SFMBT2: variants seen among roughly 807,000 people sequenced by gnomAD.
SFMBT2 encodes the protein Scm like with four mbt domains 2.
SFMBT2 carries 38 observed loss-of-function variants against 110.1 expected under a neutral mutation model. That is an observed-to-expected ratio of 0.35 (90% CI 0.27 to 0.45). The LOEUF (loss-of-function observed/expected upper bound fraction) is 0.45, where lower values mean the gene tolerates loss of function less well. Among genes scored for constraint, SFMBT2 ranks in the 20% least tolerant of loss-of-function variants. The pLI, the probability that SFMBT2 is intolerant of heterozygous loss-of-function variation, is 1.00. For synonymous variants in SFMBT2, 425 were observed against 425.4 expected, an observed-to-expected ratio of 1.00 and a Z score of 0.01; for missense variants, 1,011 against 1,094.9, an observed-to-expected ratio of 0.92 and a Z score of 1.08.
In SFMBT2 at chr10:7,197,629, T is replaced by C; in HGVS notation, c.1617A>G (p.Ser539=). 1 of 1,614,214 alleles carries C rather than the reference T, an allele frequency of 6.2e-7. No individual in the cohort carries two copies. ...TCCTTCCTTTGTTCAGGTAAGGGCCTGAGAAACACCTGTGGTTGATGAAGA... is the reference window on the plus strand; with the variant it reads ...TCCTTCCTTTGTTCAGGTAAGGGCCCGAGAAACACCTGTGGTTGATGAAGA... ...PQLFINHRCF[S]GPYLNKGRIA... The change falls in exon 15 of 21, where the codon TCA becomes TCG. Residue 539 remains serine, a synonymous_variant. Coordinates refer to ENST00000397167, the MANE Select transcript of SFMBT2 (RefSeq NM_001387889.1).
chr10:7,225,883 G>A (rs543539741), intron 10 of SFMBT2, among the ~76,000 whole-genome samples: 5 of 152,054 alleles, frequency 3.3e-5, no homozygotes, highest in African/African-American at 9.7e-5. Context: ...ATGTTTCCAC[G>A]GCCCTCAATG....
chr10:7,171,390 C>G lies in SFMBT2; in HGVS notation c.2416-334G>C, dbSNP rs1837867891. ...AGAGGAGAAATACAAGGGGCACGTCCAAGCAGACACGAGACAGTGTCCCCC... is the reference window on the plus strand; with the variant it reads ...AGAGGAGAAATACAAGGGGCACGTCGAAGCAGACACGAGACAGTGTCCCCC... On this transcript the variant is annotated intron_variant, in intron 19 of 20. Coordinates refer to ENST00000397167, the MANE Select transcript of SFMBT2 (RefSeq NM_001387889.1). The surrounding 1 kb of genome is among the most constrained non-coding windows in gnomAD (Gnocchi z 4.9). 1 of 985,316 alleles carries G rather than the reference C, an allele frequency of 1.0e-6. No homozygotes were observed. The highest frequency in any genetic ancestry group is 6.1e-5 in the Admixed American group (1 of 16,266). 61.0% of individuals were successfully genotyped at this position (985,316 alleles called of 1,614,324 possible).
At chr10:7,230,010 C>T (rs1314835232) in intron 9 of SFMBT2, among the ~76,000 whole-genome samples, 3 of 112,318 alleles carry the variant, frequency 2.7e-5, no homozygotes, top group African/African-American at 1.1e-4. Context: ...AGCCACCCCG[C>T]CCAGCCCTAT....
chr10:7,316,190 A>T (rs1843006439), intron 4 of SFMBT2, among the ~76,000 whole-genome samples: 1 of 152,254 alleles, frequency 6.6e-6, no homozygotes. Flanking sequence ...GATTTTTATC[A>T]GAATGGCAAG....
intron 13 of SFMBT2, among the ~76,000 whole-genome samples, chr10:7,201,979 T>C (rs1243215969): frequency 1.3e-5 from 2 of 152,212 alleles, no homozygotes; most frequent in Non-Finnish European, 2.9e-5. Context: ...AATTGTATTT[T>C]ACAAGCCAGG....
At chr10:7,370,918 G>A (rs1034097395) in intron 2 of SFMBT2, 4 of 357,328 alleles carry the variant, frequency 1.1e-5, no homozygotes, top group African/African-American at 4.4e-5. Flanking sequence ...AACACAAACC[G>A]ACCAGCTGCC....
chr10:7,285,784 A>G (rs748000485), intron 5 of SFMBT2, 82 bp downstream of exon 5: 1 of 780,272 alleles, frequency 1.3e-6, no homozygotes, highest in Non-Finnish European at 2.4e-6. Flanking sequence ...GCTGAAGGAT[A>G]TATGCAAAGG....
chr10:7,349,779 T>A (rs1314556571), intron 4 of SFMBT2, among the ~76,000 whole-genome samples: 1 of 152,038 alleles, frequency 6.6e-6, no homozygotes, highest in Non-Finnish European at 1.5e-5. Context: ...GACTCTTTTA[T>A]CCACCTCTTG....
intron 4 of SFMBT2, among the ~76,000 whole-genome samples, chr10:7,347,605 T>C (rs369775363): frequency 6.6e-5 from 10 of 152,210 alleles, no homozygotes; most frequent in East Asian, 5.8e-4. Flanking sequence ...TTTATAGTGT[T>C]TGAACATAGT....
chr10:7,206,865 C>CGGT (rs1839152974), intron 11 of SFMBT2: 1 of 984,412 alleles, frequency 1.0e-6, no homozygotes, highest in South Asian at 4.7e-5. Context: ...CATTAATAGA[C>CGGT]GGTGACCCAT....
intron 7 of SFMBT2, among the ~76,000 whole-genome samples, chr10:7,255,097 C>T (rs914339705): frequency 6.6e-6 from 1 of 152,128 alleles, no homozygotes; most frequent in African/African-American, 2.4e-5. Context: ...AAAAACAAAT[C>T]TAATCACCCC....
intron 11 of SFMBT2, among the ~76,000 whole-genome samples, chr10:7,209,818 T>C (rs912458739): frequency 3.3e-5 from 5 of 152,178 alleles, no homozygotes; most frequent in Admixed American, 1.3e-4. Context: ...CCTTTATGAC[T>C]TTTTGGCCTT....
chr10:7,295,271 T>A (rs1842374222), intron 4 of SFMBT2: 1 of 152,170 alleles, frequency 6.6e-6, no homozygotes, highest in Non-Finnish European at 1.5e-5. Flanking sequence ...CTCCAACATG[T>A]TTGTGTTCCT....
intron 16 of SFMBT2, among the ~76,000 whole-genome samples, chr10:7,177,868 A>AAAG (rs1554781753): frequency 4.8e-4 from 73 of 151,230 alleles, no homozygotes; most frequent in South Asian, 6.3e-4. Context: ...TTAAAAAAAA[A>AAAG]AAGAAGAAGA....
chr10:7,228,458 A>T (rs1839966564), intron 9 of SFMBT2: 1 of 590,248 alleles, frequency 1.7e-6, no homozygotes, highest in Non-Finnish European at 2.1e-6. Flanking sequence ...CAAAGAGTAG[A>T]GGGTTTGGAG....
At chr10:7,217,351 C>T (rs544111418) in intron 11 of SFMBT2, among the ~76,000 whole-genome samples, 371 of 152,254 alleles carry the variant, frequency 2.4e-3, no homozygotes, top group African/African-American at 8.6e-3. Context: ...TAAAACCATT[C>T]TTAAAAATGA....
In SFMBT2 at chr10:7,172,081, G is replaced by A. The variant is rs753796935; in HGVS notation, c.2229C>T (p.Asp743=). Residue 743 remains aspartate (D), a synonymous_variant, in exon 19 of 21, where the codon GAC becomes GAT. Coordinates refer to ENST00000397167, the MANE Select transcript of SFMBT2 (RefSeq NM_001387889.1). The surrounding 1 kb of genome is among the most constrained non-coding windows in gnomAD (Gnocchi z 4.6). ...CCTCCGCCGACGAGGTGTCCGTCTGGTCATCCCGGAGCTCGGAGCCGGTCT... is the reference window on the plus strand; with the variant it reads ...CCTCCGCCGACGAGGTGTCCGTCTGATCATCCCGGAGCTCGGAGCCGGTCT... The part of the protein sequence containing the change: ...SEETGSELRD[D]QTDTSSAEVP... 18 of 1,607,558 alleles carry A rather than the reference G, an allele frequency of 1.1e-5. No individual in the cohort carries two copies. Among genetic ancestry groups the A allele is most frequent in the Non-Finnish European group, 3.4e-6 (4 of 1,176,740 alleles).
chr10:7,262,819 T>C (rs1363764882), intron 7 of SFMBT2, among the ~76,000 whole-genome samples: 3 of 152,130 alleles, frequency 2.0e-5, no homozygotes, highest in Non-Finnish European at 4.4e-5. Flanking sequence ...CCAATACTCA[T>C]AAAAACTAGA....
intron 15 of SFMBT2, among the ~76,000 whole-genome samples, chr10:7,192,772 A>C (rs922125970): frequency 2.6e-5 from 4 of 152,246 alleles, no homozygotes; most frequent in South Asian, 4.1e-4. Flanking sequence ...TGGGGGTCGG[A>C]GGTCACATCA....
Sources: gnomAD v4.1 joint callset for allele counts (sites outside exome capture counted in the v4.1 genomes callset) on GRCh38, gnomAD v4.1.1 for gene constraint, Gnocchi (gnomAD v3.1) non-coding constraint, MANE v1.5 for transcripts, NCBI Gene and HGNC (gene_info 2026-07-23, HGNC 2026-07-21) for gene names.